KANK1: variants seen among roughly 807,000 people sequenced by gnomAD.
KANK1 encodes KN motif and ankyrin repeat domain-containing protein 1.
KANK1 carries 109 observed loss-of-function variants against 106.2 expected under a neutral mutation model. The observed-to-expected ratio is 1.03, with a 90% confidence interval of 0.88 to 1.20. The LOEUF (loss-of-function observed/expected upper bound fraction) is 1.20. KANK1 is among the 50% of genes most tolerant of loss of function. The pLI, the probability that KANK1 is intolerant of heterozygous loss-of-function variation, is 0.00. For synonymous variants in KANK1, 873 were observed against 652.2 expected, an observed-to-expected ratio of 1.34 and a Z score of -5.16; for missense variants, 2,399 against 1,710.7, an observed-to-expected ratio of 1.40 and a Z score of -7.10.
intron 2 of KANK1, among the ~76,000 whole-genome samples, chr9:687,751 C>A (rs1209830731): frequency 1.3e-5 from 2 of 152,194 alleles, no homozygotes; most frequent in Non-Finnish European, 2.9e-5. Flanking sequence ...AATGGGAGTT[C>A]CTCTCTTCCT....
intron 2 of KANK1, among the ~76,000 whole-genome samples, chr9:708,381 G>C (rs1824905355): frequency 6.6e-6 from 1 of 152,216 alleles, no homozygotes; most frequent in East Asian, 1.9e-4. Context: ...CTTTTAACAC[G>C]AGCACAAGTT....
At chr9:514,884 C>T (rs2059210254) in intron 1 of KANK1, among the ~76,000 whole-genome samples, 2 of 151,730 alleles carry the variant, frequency 1.3e-5, no homozygotes, top group African/African-American at 2.4e-5. Flanking sequence ...GTATTCCCAG[C>T]AGTGGTGTAT....
rs1234738971 is a variant in KANK1, at chr9:740,910, G to A, written c.3672G>A (p.Gly1224=). The A allele has an allele frequency of 2.5e-6, 4 of 1,614,200 alleles. 1 individual carries two copies. The highest frequency in any genetic ancestry group is 2.2e-5 in the South Asian group (2 of 91,084). ...TTGTGGAAGAACTCTTCGGCTGTGG[G>A]GATGTGAATGCCAAAGCTAGTCAGG... ...MRIVEELFGC[G]DVNAKASQAG... Residue 1224 remains glycine (G), a synonymous_variant, in exon 9 of 12, where the codon GGG becomes GGA. Coordinates refer to ENST00000382297, the MANE Select transcript of KANK1 (RefSeq NM_015158.5).
At chr9:738,565 A>T in intron 8 of KANK1, 61 bp downstream of exon 8, 1 of 1,361,382 alleles carries the variant, frequency 7.3e-7, no homozygotes, top group Non-Finnish European at 1.0e-6. Flanking sequence ...GACTCATCTC[A>T]GAGAACCTGG....
At chr9:592,287 G>A (rs563407446) in intron 1 of KANK1, among the ~76,000 whole-genome samples, 1 of 152,018 alleles carries the variant, frequency 6.6e-6, no homozygotes, top group African/African-American at 2.4e-5. Context: ...TCAGAACCTG[G>A]CCTTTAATCA....
chr9:600,971 A>T (rs1424404325), intron 1 of KANK1, among the ~76,000 whole-genome samples: 1 of 151,774 alleles, frequency 6.6e-6, no homozygotes, highest in African/African-American at 2.4e-5. Context: ...CTCATGTCTC[A>T]TACCTTTCTG....
At chr9:534,579 C>A (rs888535661) in intron 1 of KANK1, among the ~76,000 whole-genome samples, 2 of 152,220 alleles carry the variant, frequency 1.3e-5, no homozygotes, top group Non-Finnish European at 2.9e-5. Context: ...TTATCTTGAT[C>A]ACTCCTAGCG....
chr9:707,215 C>T (rs868667713), intron 2 of KANK1: 3 of 986,070 alleles, frequency 3.0e-6, no homozygotes, highest in African/African-American at 3.5e-5. Context: ...CGGGGCAGCG[C>T]GGGCTGGCGG....
chr9:500,964 C>G (rs2058540996), upstream of KANK1, among the ~76,000 whole-genome samples: 1 of 152,132 alleles, frequency 6.6e-6, no homozygotes. Flanking sequence ...TTTCTGTACC[C>G]CAGCAGTTAC....
chr9:715,661 G>C (rs1267991522), intron 3 of KANK1, among the ~76,000 whole-genome samples: 2 of 152,184 alleles, frequency 1.3e-5, no homozygotes, highest in African/African-American at 4.8e-5. Flanking sequence ...TACAGCACTT[G>C]TGAACAAAAC....
intron 1 of KANK1, among the ~76,000 whole-genome samples, chr9:609,196 T>G (rs1200969310): frequency 2.0e-5 from 3 of 152,238 alleles, no homozygotes; most frequent in Admixed American, 1.3e-4. Context: ...CTAATTGCAG[T>G]GGTGTTTTTA....
chr9:665,527 T>C (rs1236269827), intron 1 of KANK1, among the ~76,000 whole-genome samples: 6 of 152,194 alleles, frequency 3.9e-5, no homozygotes, highest in African/African-American at 1.4e-4. Flanking sequence ...TCGGTGTTTG[T>C]GTCTGTTTTT....
intron 1 of KANK1, among the ~76,000 whole-genome samples, chr9:607,289 C>T (rs929297437): frequency 2.0e-5 from 3 of 151,518 alleles, no homozygotes; most frequent in African/African-American, 7.3e-5. Flanking sequence ...AGTTCAAGAC[C>T]AGCCTGGCCA....
intron 1 of KANK1, among the ~76,000 whole-genome samples, chr9:620,053 C>T (rs894843144): frequency 6.6e-6 from 1 of 152,000 alleles, no homozygotes; most frequent in African/African-American, 2.4e-5. Context: ...AGGAGAATCG[C>T]TTGAACCTCG....
intron 1 of KANK1, among the ~76,000 whole-genome samples, chr9:664,314 C>T (rs749865230): frequency 6.6e-6 from 1 of 152,154 alleles, no homozygotes; most frequent in Non-Finnish European, 1.5e-5. Context: ...TGAGTGAGAA[C>T]ATGCGACATT....
At chr9:690,088 G>C (rs1454466155) in intron 2 of KANK1, among the ~76,000 whole-genome samples, 3 of 133,582 alleles carry the variant, frequency 2.2e-5, no homozygotes, top group African/African-American at 8.5e-5. Context: ...AGGAGTTTGA[G>C]ACCAGGCTGG....
chr9:541,199 CA>C (rs1277029841), intron 1 of KANK1, among the ~76,000 whole-genome samples: 3 of 151,988 alleles, frequency 2.0e-5, no homozygotes, highest in African/African-American at 7.2e-5. Flanking sequence ...AAGCTGTCAT[CA>C]AAACAGCATA....
chr9:657,688 G>C (rs535460084), intron 1 of KANK1, among the ~76,000 whole-genome samples: 3 of 152,034 alleles, frequency 2.0e-5, no homozygotes, highest in Non-Finnish European at 4.4e-5. Flanking sequence ...ACCATTTTCA[G>C]GTGAGGTGCG....
intron 1 of KANK1, among the ~76,000 whole-genome samples, chr9:593,993 C>T (rs1054456734): frequency 1.3e-5 from 2 of 151,848 alleles, no homozygotes; most frequent in Admixed American, 1.3e-4. Context: ...CTGGGCTGTG[C>T]CCTTCACACT....
Sources: allele counts gnomAD v4.1 joint callset (sites outside exome capture counted in the v4.1 genomes callset), GRCh38; gene constraint gnomAD v4.1.1; transcripts MANE v1.5; gene names NCBI Gene and HGNC (gene_info 2026-07-23, HGNC 2026-07-21).